WDR33: variants seen among roughly 807,000 people sequenced by gnomAD.
WDR33 encodes the protein pre-mRNA 3' end processing protein WDR33.
In WDR33, 47 loss-of-function variants were observed where a neutral mutation model predicts 164.9. The ratio of observed to expected loss-of-function variants is 0.29; its 90% CI spans 0.23 to 0.36. The LOEUF (loss-of-function observed/expected upper bound fraction) is 0.36. Ranked by LOEUF, WDR33 falls within the 10% of genes least tolerant of loss-of-function variation. The pLI is 1.00. For missense variants in WDR33, 1,137 were observed against 1,754.1 expected, an observed-to-expected ratio of 0.65 and a Z score of 6.28; for synonymous variants, 505 against 589.0, an observed-to-expected ratio of 0.86 and a Z score of 2.06.
At position 127,783,599 on chromosome 2, in the gene WDR33, CTTTTTTTTTTT is replaced by C. The variant is rs35345585; in HGVS notation, c.-23-12606_-23-12596del. ...CTTCAGCTATTTTATTTCAGGACTCCTTTTTTTTTTTTTTTTTTTTTTTTTGAGACAGTCTC... is the reference window on the plus strand; with the variant it reads ...CTTCAGCTATTTTATTTCAGGACTCCTTTTTTTTTTTTTTGAGACAGTCTC... On this transcript the variant is annotated intron_variant, in intron 1 of 21. Coordinates refer to ENST00000322313, the MANE Select transcript of WDR33 (RefSeq NM_018383.5). Among the ~76,000 whole-genome samples the C allele has an allele frequency of 4.7e-5, 4 of 84,410 alleles. No homozygotes were observed. In the South Asian group the frequency reaches 1.6e-3, roughly 34 times the overall value. 55.4% of individuals were successfully genotyped at this position (84,410 alleles called of 152,430 possible). A position where few individuals can be genotyped will look rare whatever the true frequency, so the allele number is the denominator to read the frequency against.
At position 127,719,398 on chromosome 2, in the gene WDR33, C is replaced by T; in HGVS notation, c.2627G>A (p.Gly876Asp). Residue 876 changes from glycine to aspartate, a missense_variant, in exon 16 of 22, where the codon GGC (glycine) becomes GAC (aspartate). Physicochemically the swap from Gly to Asp is moderately conservative, Grantham distance 94. Around this residue, in one of 9 missense-constraint regions of WDR33, gnomAD observed 867 missense variants for 1,073.0 expected, o/e 0.81. Coordinates refer to ENST00000322313, the MANE Select transcript of WDR33 (RefSeq NM_018383.5). This position sits in a 1 kb window ranked among gnomAD's most constrained non-coding sequence, Gnocchi z 6.5. ...CTGAGGTCCGGGGGGTCCTTGCATG[C>T]CACCCTGGGGTGGAGGTCCTAAAGA... Reference protein sequence around the residue: ...QGSLGPPPQGGMQGPPGPQGQ... With the variant: ...QGSLGPPPQGDMQGPPGPQGQ... The T allele has an allele frequency of 6.6e-7, 1 of 1,525,068 alleles. No homozygotes were observed. The highest frequency in any genetic ancestry group is 8.8e-7 in the Non-Finnish European group (1 of 1,138,812). The allele number at this position is 1,525,068 out of a possible 1,614,324, so 94.5% of individuals were successfully genotyped here.
intron 1 of WDR33, among the ~76,000 whole-genome samples, chr2:127,791,984 G>A (rs1318125979): frequency 6.6e-6 from 1 of 151,788 alleles, no homozygotes; most frequent in East Asian, 1.9e-4. Flanking sequence ...TGTCACCCAG[G>A]CTGGAGTGCA....
rs1685884043 is a variant in WDR33, at chr2:127,701,658, C to G, written c.*4665G>C. 7.7e-7 allele frequency: 1 copy of G among 1,294,410 alleles called. No individual in the cohort carries two copies. The highest frequency in any genetic ancestry group is 9.7e-7 in the Non-Finnish European group (1 of 1,026,190). 80.2% of individuals were successfully genotyped at this position (1,294,410 alleles called of 1,614,324 possible). A position where few individuals can be genotyped will look rare whatever the true frequency, so the allele number is the denominator to read the frequency against. On this transcript the variant is annotated 3_prime_UTR_variant, in exon 22 of 22. Transcript: ENST00000322313. ...CGGGGACCGGCCGGCGGAGGAGTGGCTGGGCCGCGCGGGCTTGCGCTGGAC... is the reference window on the plus strand; with the variant it reads ...CGGGGACCGGCCGGCGGAGGAGTGGGTGGGCCGCGCGGGCTTGCGCTGGAC...
rs565276433 is a variant in WDR33, at chr2:127,737,926, T to G, written c.725-11149A>C. 3.0e-5 allele frequency: 47 copies of G among 1,563,286 alleles called. 1 individual carries two copies. In the South Asian group the frequency reaches 5.7e-4, roughly 19 times the overall value. The stretch of plus-strand genomic sequence containing the variant: ...CAGCATCAACTGTAATTTGAATCTA[T>G]GTTTTGCCAGAATCTTCTTGGGTAT... On this transcript the variant is annotated intron_variant, in intron 7 of 21. Coordinates refer to ENST00000322313, the MANE Select transcript of WDR33 (RefSeq NM_018383.5).
intron 7 of WDR33, among the ~76,000 whole-genome samples, chr2:127,743,890 T>C (rs529536264): frequency 1.2e-4 from 18 of 152,292 alleles, no homozygotes; most frequent in African/African-American, 4.3e-4. Flanking sequence ...TATACCAAAA[T>C]ACATATTATG....
At chr2:127,798,132 C>A (rs1689103595) in intron 1 of WDR33, among the ~76,000 whole-genome samples, 1 of 151,934 alleles carries the variant, frequency 6.6e-6, no homozygotes, top group Non-Finnish European at 1.5e-5. Flanking sequence ...CTCTGGGAGG[C>A]CGAGGCAGGT....
intron 1 of WDR33, among the ~76,000 whole-genome samples, chr2:127,808,562 G>C (rs768079206): frequency 6.6e-6 from 1 of 152,228 alleles, no homozygotes; most frequent in Non-Finnish European, 1.5e-5. Context: ...TAGGACTAAT[G>C]TAAATGGTTT....
intron 1 of WDR33, among the ~76,000 whole-genome samples, chr2:127,778,582 G>A (rs940228850): frequency 6.6e-6 from 1 of 151,910 alleles, no homozygotes; most frequent in Non-Finnish European, 1.5e-5. Context: ...GAGCTCAAAA[G>A]AACAATGTGA....
chr2:127,791,159 A>ACCCCCCCCCC (rs1270529963), intron 1 of WDR33, among the ~76,000 whole-genome samples: 1 of 34,318 alleles, frequency 2.9e-5, no homozygotes, highest in Non-Finnish European at 5.6e-5. Context: ...CTCTTTCCCC[A>ACCCCCCCCCC]CCCCACCCCC....
At chr2:127,772,073 C>A (rs1688022876) in intron 1 of WDR33, among the ~76,000 whole-genome samples, 1 of 152,076 alleles carries the variant, frequency 6.6e-6, no homozygotes, top group South Asian at 2.1e-4. Context: ...AAGAGATCCT[C>A]ACACTTTGGC....
In WDR33 at chr2:127,775,186, T is replaced by TA. The variant is rs202070320; in HGVS notation, c.-23-4183dup. Reference sequence around the variant, plus strand: ...TTAAAGAATAATGGGCTTAATCTATTAAAAAAAAAAATTTTTTTTTGAGAC... The same window carrying TA: ...TTAAAGAATAATGGGCTTAATCTATTAAAAAAAAAAAATTTTTTTTTGAGAC... On this transcript the variant is annotated intron_variant, in intron 1 of 21. Transcript: ENST00000322313. Among the ~76,000 whole-genome samples, 263 of 150,350 alleles carry TA rather than the reference T, an allele frequency of 1.7e-3. 1 individual carries two copies. Among genetic ancestry groups the TA allele is most frequent in the Middle Eastern group, 6.9e-3 (2 of 288 alleles).
rs1431363506 is a variant in WDR33, at chr2:127,703,139, C to G, written c.*3184G>C. 1.2e-5 allele frequency: 2 copies of G among 167,008 alleles called. No homozygotes were observed. Among genetic ancestry groups the G allele is most frequent in the Non-Finnish European group, 2.9e-5 (2 of 68,100 alleles). 10.3% of individuals were successfully genotyped at this position (167,008 alleles called of 1,614,324 possible). ...CTAACATTCTGATGAGTCCAGAAAA[C>G]TACGTTTTGTCAGTAGCAATACACT... On this transcript the variant is annotated 3_prime_UTR_variant, in exon 22 of 22. Transcript: ENST00000322313.
At chr2:127,737,591 C>A in intron 7 of WDR33, 6 of 995,848 alleles carry the variant, frequency 6.0e-6, no homozygotes, top group Non-Finnish European at 7.2e-6. Flanking sequence ...AGTACCTACA[C>A]TACGTTAATA....
intron 18 of WDR33, among the ~76,000 whole-genome samples, chr2:127,711,355 G>A (rs899522764): frequency 6.0e-5 from 9 of 150,848 alleles, no homozygotes; most frequent in African/African-American, 2.2e-4. Context: ...AACCCAGGAG[G>A]TGGAGGCTGC....
At position 127,706,569 on chromosome 2, in the gene WDR33, T is replaced by C. The variant is rs775625692; in HGVS notation, c.3782-17A>G. The C allele has an allele frequency of 6.3e-7, 1 of 1,583,178 alleles. No homozygotes were observed. Among genetic ancestry groups the C allele is most frequent in the South Asian group, 1.2e-5 (1 of 86,354 alleles). ...CCCCTCGGCCTGAAACAAAGAAAAT[T>C]TCACATGGGACTTTTTGTATTAGCA... On this transcript the variant is annotated splice_polypyrimidine_tract_variant and intron_variant, in intron 21 of 21. Coordinates refer to ENST00000322313, the MANE Select transcript of WDR33 (RefSeq NM_018383.5). The surrounding 1 kb of genome is among the most constrained non-coding windows in gnomAD (Gnocchi z 5.1).
At chr2:127,787,569 G>A (rs1290695188) in intron 1 of WDR33, among the ~76,000 whole-genome samples, 18 of 108,982 alleles carry the variant, frequency 1.7e-4, no homozygotes, top group African/African-American at 6.6e-4. Context: ...GGACGGGGCG[G>A]CTGGCCGGGC....
At chr2:127,761,371 T>G (rs1199389682) in intron 7 of WDR33, among the ~76,000 whole-genome samples, 1 of 152,070 alleles carries the variant, frequency 6.6e-6, no homozygotes, top group Non-Finnish European at 1.5e-5. Context: ...CAGCTAATTT[T>G]TTGTATTTTC....
At chr2:127,804,704 C>T (rs1009964720) in intron 1 of WDR33, among the ~76,000 whole-genome samples, 4 of 151,898 alleles carry the variant, frequency 2.6e-5, no homozygotes, top group African/African-American at 9.7e-5. Context: ...CATTTAAACA[C>T]GAAAGGGGGA....
intron 4 of WDR33, among the ~76,000 whole-genome samples, chr2:127,765,814 A>C (rs1344589282): frequency 6.6e-6 from 1 of 151,982 alleles, no homozygotes; most frequent in African/African-American, 2.4e-5. Flanking sequence ...AAAAAAAGTA[A>C]GCTCTCCTCC....
Sources: allele counts gnomAD v4.1 joint callset (sites outside exome capture counted in the v4.1 genomes callset), GRCh38; gene constraint gnomAD v4.1.1; regional missense constraint gnomAD v4.1.1; non-coding constraint Gnocchi (gnomAD v3.1); transcripts MANE v1.5; gene names NCBI Gene and HGNC (gene_info 2026-07-23, HGNC 2026-07-21).